ROS1: variants seen among roughly 807,000 people sequenced by gnomAD.
The protein encoded by ROS1 is ROS proto-oncogene 1, receptor tyrosine kinase.
ROS1 carries 263 observed loss-of-function variants against 273.5 expected under a neutral mutation model. That is an observed-to-expected ratio of 0.96 (90% confidence interval 0.87 to 1.06). ROS1 has a LOEUF of 1.06. Among genes scored for constraint, ROS1 ranks in the 50% least tolerant of loss-of-function variants. The pLI, the probability that ROS1 is intolerant of heterozygous loss-of-function variation, is 0.00. For missense variants in ROS1, 2,833 were observed against 2,751.1 expected (o/e 1.03, Z -0.67); for synonymous variants, 1,008 against 954.1 (o/e 1.06, Z -1.04).
At chr6:117,307,065 T>C (rs765132109) in intron 42 of ROS1, among the ~76,000 whole-genome samples, 1 of 152,186 alleles carries the variant, frequency 6.6e-6, no homozygotes, top group African/African-American at 2.4e-5. Context: ...AATATTATAT[T>C]TTTCCACTCA....
rs748842264 is a variant in ROS1 at position 117,389,860 on chromosome 6, A to C, written c.1290-14T>G. On this transcript the variant is annotated splice_polypyrimidine_tract_variant and intron_variant, in intron 12 of 43. Coordinates refer to ENST00000368507, the MANE Select transcript of ROS1 (RefSeq NM_001378902.1). ...TAAAAGACATACCTGACACAGGAACAAAAGAAACCTCATGAGATTCAGTCC... is the reference window on the plus strand; with the variant it reads ...TAAAAGACATACCTGACACAGGAACCAAAGAAACCTCATGAGATTCAGTCC... 1 of 1,591,962 alleles carries C rather than the reference A, an allele frequency of 6.3e-7. No homozygotes were observed. The highest frequency in any genetic ancestry group is 1.7e-5 in the Admixed American group (1 of 57,968).
At chr6:117,319,658 G>A (rs1243592105) in intron 37 of ROS1, among the ~76,000 whole-genome samples, 1 of 152,140 alleles carries the variant, frequency 6.6e-6, no homozygotes, top group East Asian at 1.9e-4. Context: ...TAGAGGTAAT[G>A]CAAACCCTGG....
At chr6:117,348,281 G>T (rs1410479270) in intron 27 of ROS1, among the ~76,000 whole-genome samples, 1 of 151,932 alleles carries the variant, frequency 6.6e-6, no homozygotes, top group Non-Finnish European at 1.5e-5. Context: ...GACATATTCA[G>T]ATTGTCTATT....
intron 27 of ROS1, among the ~76,000 whole-genome samples, chr6:117,346,427 G>C (rs989013003): frequency 2.6e-5 from 4 of 151,684 alleles, no homozygotes; most frequent in African/African-American, 9.7e-5. Context: ...AAAATAATGA[G>C]TATTAATCAT....
At chr6:117,294,318 C>T (rs1255754340) in intron 43 of ROS1, among the ~76,000 whole-genome samples, 1 of 151,982 alleles carries the variant, frequency 6.6e-6, no homozygotes, top group Non-Finnish European at 1.5e-5. Flanking sequence ...AGCAACCAGG[C>T]AGGGGAAAGA....
chr6:117,312,783 C>T (rs3777959), intron 39 of ROS1, among the ~76,000 whole-genome samples: 1 of 152,122 alleles, frequency 6.6e-6, no homozygotes, highest in East Asian at 1.9e-4. Context: ...CTCTGGACTA[C>T]CACCTGTCAT....
At chr6:117,386,549 T>C (rs1344350221) in intron 15 of ROS1, among the ~76,000 whole-genome samples, 2 of 152,266 alleles carry the variant, frequency 1.3e-5, no homozygotes, top group African/African-American at 4.8e-5. Context: ...TTATAGCAAA[T>C]GCACAGTAAA....
chr6:117,404,052 G>A (rs1774179280), intron 6 of ROS1, among the ~76,000 whole-genome samples: 1 of 152,180 alleles, frequency 6.6e-6, no homozygotes, highest in Non-Finnish European at 1.5e-5. Flanking sequence ...TGGCTAACAC[G>A]GTGAAACCGT....
Position 117,425,929 on chromosome 6 carries a change from G to T in ROS1, c.-273C>A. 2.6e-6 allele frequency: 1 copy of T among 384,124 alleles called. No homozygotes were observed. Among genetic ancestry groups the T allele is most frequent in the Non-Finnish European group, 4.7e-6 (1 of 212,898 alleles). The allele number at this position is 384,124 out of a possible 1,614,324, so 23.8% of individuals were successfully genotyped here. A position where few individuals can be genotyped will look rare whatever the true frequency, so the allele number is the denominator to read the frequency against. Reference sequence around the variant, plus strand: ...AAAGTCACCCAGTGACTAAAGGTTAGTTCTTAGAAGTGCACTTCACATGGA... The same window carrying T: ...AAAGTCACCCAGTGACTAAAGGTTATTTCTTAGAAGTGCACTTCACATGGA... On this transcript the variant is annotated 5_prime_UTR_variant, in exon 1 of 44. Coordinates refer to ENST00000368507, the MANE Select transcript of ROS1 (RefSeq NM_001378902.1).
chr6:117,377,622 T>C (rs1308625662), intron 18 of ROS1, among the ~76,000 whole-genome samples: 1 of 149,490 alleles, frequency 6.7e-6, no homozygotes, highest in Admixed American at 6.6e-5. Context: ...AAAAATGGAG[T>C]ATAAAATCTT....
Position 117,344,103 on chromosome 6 carries a change from A to G in ROS1, c.4463T>C (p.Val1488Ala), listed in dbSNP as rs142098208. 6.2e-7 allele frequency: 1 copy of G among 1,614,018 alleles called. No homozygotes were observed. Among genetic ancestry groups the G allele is most frequent in the Admixed American group, 1.7e-5 (1 of 59,966 alleles). ...TPTYLVYYAE[V>A]NDRKNSSDLK... ...GTCAGAGCTGTTTTTCCTGTCATTA[A>G]CTTCTGCATAATAAACCAGGTATGT... Residue 1488 changes from valine (V) to alanine (A), a missense_variant, in exon 28 of 44, where the codon GTT becomes GCT. Physicochemically the swap from Val to Ala is moderately conservative, Grantham distance 64. Transcript: ENST00000368507.
At chr6:117,375,391 G>A (rs1233537754) in intron 18 of ROS1, among the ~76,000 whole-genome samples, 1 of 149,992 alleles carries the variant, frequency 6.7e-6, no homozygotes, top group Non-Finnish European at 1.5e-5. Context: ...CACCACTAAA[G>A]AACTTATCCA....
chr6:117,423,648 A>G (rs1476844000), intron 1 of ROS1, among the ~76,000 whole-genome samples: 2 of 152,184 alleles, frequency 1.3e-5, no homozygotes, highest in East Asian at 3.9e-4. Flanking sequence ...TGCTTCGTGC[A>G]ATTTGGCCCA....
In ROS1 at chr6:117,359,926, C is replaced by A. The variant is rs35613256; in HGVS notation, c.3516G>T (p.Thr1172=). ...CACTGATAACTCTTTCTGCTGAAAA[C>A]GTCCACACAACTTGATTTTGATCCA... ...LDMDQNQVVW[T]FSAERVISAV... is the part of the protein sequence containing the mutation. Residue 1172 remains threonine, a synonymous_variant, in exon 24 of 44, where the codon ACG becomes ACT. Coordinates refer to ENST00000368507, the MANE Select transcript of ROS1 (RefSeq NM_001378902.1). 1 of 1,613,814 alleles carries A rather than the reference C, an allele frequency of 6.2e-7. No individual in the cohort carries two copies. Among genetic ancestry groups the A allele is most frequent in the Admixed American group, 1.7e-5 (1 of 59,996 alleles).
intron 18 of ROS1, among the ~76,000 whole-genome samples, chr6:117,374,986 AG>A (rs1308702196): frequency 6.6e-6 from 1 of 152,266 alleles, no homozygotes; most frequent in Non-Finnish European, 1.5e-5. Flanking sequence ...TATACAAAAA[AG>A]ATACATGCAC....
At chr6:117,336,966 C>T (rs1246403713) in intron 32 of ROS1, among the ~76,000 whole-genome samples, 1 of 152,056 alleles carries the variant, frequency 6.6e-6, no homozygotes, top group Non-Finnish European at 1.5e-5. Context: ...TTGCCCAGTT[C>T]AGGATCCAGC....
chr6:117,390,896 T>C (rs1245703167), intron 12 of ROS1, among the ~76,000 whole-genome samples: 2 of 152,194 alleles, frequency 1.3e-5, no homozygotes, highest in African/African-American at 4.8e-5. Context: ...TCATTGACAA[T>C]GAAATATGTA....
Position 117,310,126 on chromosome 6 carries a change from G to A in ROS1, c.6371C>T (p.Pro2124Leu), listed in dbSNP as rs2128548088. The A allele has an allele frequency of 6.2e-7, 1 of 1,613,356 alleles. No individual in the cohort carries two copies. Among genetic ancestry groups the A allele is most frequent in the East Asian group, 2.2e-5 (1 of 44,844 alleles). ...GAAGATTCCATCCATCAAACTTTCTGGAGCCATCCACCGAACTGGGAGCAG... is the reference window on the plus strand; with the variant it reads ...GAAGATTCCATCCATCAAACTTTCTAGAGCCATCCACCGAACTGGGAGCAG... ...EGLLPVRWMA[P>L]ESLMDGIFTT... Residue 2124 changes from proline to leucine, a missense_variant, in exon 41 of 44, where the codon CCA becomes CTA. Coordinates refer to ENST00000368507, the MANE Select transcript of ROS1 (RefSeq NM_001378902.1).
At chr6:117,313,724 A>G (rs950675179) in intron 39 of ROS1, among the ~76,000 whole-genome samples, 1 of 152,176 alleles carries the variant, frequency 6.6e-6, no homozygotes, top group Non-Finnish European at 1.5e-5. Flanking sequence ...CCAATAAAAT[A>G]GTCCTTGAAT....
Sources: allele counts gnomAD v4.1 joint callset (sites outside exome capture counted in the v4.1 genomes callset), GRCh38; gene constraint gnomAD v4.1.1; transcripts MANE v1.5; gene names NCBI Gene and HGNC (gene_info 2026-07-23, HGNC 2026-07-21).